The following KIAA0825 variants were observed in gnomAD, a reference collection of about 807,000 sequenced individuals.
KIAA0825 encodes the protein uncharacterized protein KIAA0825.
A neutral mutation model predicts 147.6 loss-of-function variants in KIAA0825; 119 were observed. The ratio of observed to expected loss-of-function variants is 0.81; its 90% CI spans 0.69 to 0.94. The LOEUF (loss-of-function observed/expected upper bound fraction) is 0.94. Among genes scored for constraint, KIAA0825 ranks in the 40% least tolerant of loss-of-function variants. KIAA0825 has a pLI of 0.00. For missense variants in KIAA0825, 1,381 were observed against 1,472.7 expected (o/e 0.94, Z 1.02); for synonymous variants, 470 against 518.1 (o/e 0.91, Z 1.26).
intron 5 of KIAA0825, among the ~76,000 whole-genome samples, chr5:94,492,218 C>T (rs1763817919): frequency 6.6e-6 from 1 of 152,192 alleles, no homozygotes; most frequent in African/African-American, 2.4e-5. Context: ...GGCTAACACA[C>T]AGAAGCTGTA....
At chr5:94,614,069 G>C (rs1789700925) in intron 1 of KIAA0825, among the ~76,000 whole-genome samples, 1 of 152,098 alleles carries the variant, frequency 6.6e-6, no homozygotes, top group South Asian at 2.1e-4. Context: ...AAAGAAGTCA[G>C]TTTAAAAGTT....
At chr5:94,244,813 ACAT>A (rs1208672206) in intron 20 of KIAA0825, among the ~76,000 whole-genome samples, 1 of 152,224 alleles carries the variant, frequency 6.6e-6, no homozygotes, top group Admixed American at 6.5e-5. Context: ...CATATTAATA[ACAT>A]CAACAGTTTA....
intron 5 of KIAA0825, among the ~76,000 whole-genome samples, chr5:94,513,128 C>T (rs981184273): frequency 1.3e-5 from 2 of 152,030 alleles, no homozygotes; most frequent in African/African-American, 4.8e-5. Flanking sequence ...TAGTTTTATT[C>T]TAAACTTCTT....
intron 5 of KIAA0825, chr5:94,519,188 A>C (rs1214076006): frequency 1.2e-6 from 1 of 866,396 alleles, no homozygotes; most frequent in African/African-American, 1.8e-5. Context: ...AATATTAAAC[A>C]ATTTGAAAAT....
intron 20 of KIAA0825, among the ~76,000 whole-genome samples, chr5:94,307,560 C>G (rs1778825165): frequency 6.6e-6 from 1 of 151,826 alleles, no homozygotes; most frequent in Admixed American, 6.6e-5. Flanking sequence ...TGTTCATGGT[C>G]TCCAAAATGC....
intron 20 of KIAA0825, among the ~76,000 whole-genome samples, chr5:94,250,706 TAG>T (rs1031873006): frequency 6.6e-6 from 1 of 152,150 alleles, no homozygotes; most frequent in African/African-American, 2.4e-5. Context: ...TGGTTCTGGC[TAG>T]AGAGTTGGCA....
At chr5:94,388,999 G>C (rs1244847821) in intron 18 of KIAA0825, among the ~76,000 whole-genome samples, 2 of 152,186 alleles carry the variant, frequency 1.3e-5, no homozygotes, top group Non-Finnish European at 2.9e-5. Flanking sequence ...GTGTATGGTA[G>C]ATGCACCTGA....
At chr5:94,453,548 C>T (rs187881243) in intron 12 of KIAA0825, among the ~76,000 whole-genome samples, 6 of 151,986 alleles carry the variant, frequency 3.9e-5, no homozygotes, top group South Asian at 2.1e-4. Context: ...CTACTTCATC[C>T]GCTTGGGATT....
intron 20 of KIAA0825, among the ~76,000 whole-genome samples, chr5:94,160,509 CAT>C (rs1042524425): frequency 4.0e-5 from 6 of 148,240 alleles, no homozygotes; most frequent in Non-Finnish European, 7.4e-5. Context: ...TATATATACA[CAT>C]ATATGCATCA....
At chr5:94,616,910 C>G (rs1365965454) in intron 1 of KIAA0825, among the ~76,000 whole-genome samples, 1 of 152,016 alleles carries the variant, frequency 6.6e-6, no homozygotes, top group Non-Finnish European at 1.5e-5. Context: ...GTTATGTTTA[C>G]TTATAAAGGT....
At chr5:94,385,194 A>G (rs933765579) in intron 19 of KIAA0825, among the ~76,000 whole-genome samples, 1 of 152,246 alleles carries the variant, frequency 6.6e-6, no homozygotes, top group African/African-American at 2.4e-5. Context: ...ACTCAAACTT[A>G]GTACATTTAA....
chr5:94,526,775 G>A (rs1410183545), intron 3 of KIAA0825, among the ~76,000 whole-genome samples: 2 of 152,026 alleles, frequency 1.3e-5, no homozygotes, highest in East Asian at 3.9e-4. Flanking sequence ...ATATACTAGG[G>A]AACCCAATGT....
intron 20 of KIAA0825, among the ~76,000 whole-genome samples, chr5:94,314,712 C>T (rs989813623): frequency 7.3e-5 from 11 of 151,492 alleles, no homozygotes; most frequent in Non-Finnish European, 7.4e-5. Context: ...TAGTGCTATT[C>T]TTTGTCTGAC....
chr5:94,334,216 G>A (rs114894990), intron 20 of KIAA0825, among the ~76,000 whole-genome samples: 5 of 152,180 alleles, frequency 3.3e-5, no homozygotes, highest in African/African-American at 9.6e-5. Context: ...GTCTGCCTTC[G>A]CTACTCCTGT....
At chr5:94,613,823 G>C (rs1789616415) in intron 1 of KIAA0825, among the ~76,000 whole-genome samples, 1 of 152,246 alleles carries the variant, frequency 6.6e-6, no homozygotes, top group Non-Finnish European at 1.5e-5. Flanking sequence ...TGTGAGTCAG[G>C]AGGACAACGA....
chr5:94,328,715 C>T (rs1323630212), intron 20 of KIAA0825, among the ~76,000 whole-genome samples: 1 of 151,470 alleles, frequency 6.6e-6, no homozygotes, highest in Non-Finnish European at 1.5e-5. Flanking sequence ...TTCTCCTTTG[C>T]TTGAAATGCA....
chr5:94,225,338 A>C (rs564787383), intron 20 of KIAA0825, among the ~76,000 whole-genome samples: 160 of 152,332 alleles, frequency 1.1e-3, no homozygotes, highest in African/African-American at 3.2e-3. Context: ...AACTCTTGGA[A>C]ATATTGAAAT....
chr5:94,193,273 G>C (rs916911480), intron 20 of KIAA0825, among the ~76,000 whole-genome samples: 1 of 152,176 alleles, frequency 6.6e-6, no homozygotes, highest in Non-Finnish European at 1.5e-5. Context: ...AAATGGAACA[G>C]CATCTGTGAC....
At chr5:94,307,571 G>A (rs1207463432) in intron 20 of KIAA0825, among the ~76,000 whole-genome samples, 1 of 151,590 alleles carries the variant, frequency 6.6e-6, no homozygotes. Flanking sequence ...TCCAAAATGC[G>A]ATATGCTTTT....
Sources: gnomAD v4.1 joint callset for allele counts (sites outside exome capture counted in the v4.1 genomes callset) on GRCh38, gnomAD v4.1.1 for gene constraint, MANE v1.5 for transcripts, NCBI Gene and HGNC (gene_info 2026-07-23, HGNC 2026-07-21) for gene names.